Variants in HUWE1 observed in about 807,000 individuals in gnomAD.
The protein encoded by HUWE1 is E3 ubiquitin-protein ligase HUWE1.
A neutral mutation model predicts 299.4 loss-of-function variants in HUWE1; 18 were observed. The observed-to-expected ratio is 0.06, with a 90% CI of 0.04 to 0.09. HUWE1 has a LOEUF of 0.09. HUWE1 is among the 10% of genes least tolerant of loss of function. The pLI, the probability that HUWE1 is intolerant of heterozygous loss-of-function variation, is 1.00. For synonymous variants in HUWE1, 1,317 were observed against 1,286.1 expected (o/e 1.02, Z -0.51); for missense variants, 1,832 against 3,462.3 (o/e 0.53, Z 11.82).
chrX:53,656,237 G>A (rs782515063), intron 3 of HUWE1, among the ~76,000 whole-genome samples: 3 of 110,359 alleles, frequency 2.7e-5, no homozygotes, highest in Admixed American at 9.6e-5. Context: ...GTAGCCGGGC[G>A]TGGAAGGACA....
intron 28 of HUWE1, among the ~76,000 whole-genome samples, chrX:53,600,658 T>C (rs181799865): frequency 2.7e-5 from 3 of 112,798 alleles, no homozygotes; most frequent in East Asian, 2.8e-4. Context: ...TAGAATGTTA[T>C]AGCTTGTTAA....
In HUWE1 at chrX:53,627,569, T is replaced by A. The variant is rs1347677360; in HGVS notation, c.1384-54A>T. The A allele has an allele frequency of 3.3e-4, 210 of 645,523 alleles. 2 individuals are homozygous for A. Among genetic ancestry groups the A allele is most frequent in the East Asian group, 1.1e-3 (27 of 25,299 alleles). The allele number at this position is 645,523 out of a possible 1,213,427, so 53.2% of individuals were successfully genotyped here. A position where few individuals can be genotyped will look rare whatever the true frequency, so the allele number is the denominator to read the frequency against. On this transcript the variant is annotated intron_variant, in intron 16 of 83. Coordinates refer to ENST00000262854, the MANE Select transcript of HUWE1 (RefSeq NM_031407.7). ...ATCAAGTATATATATATATATTTTT[T>A]TTTTCAGGGATTAAAAACTATTATA...
Position 53,549,323 on chromosome X carries a change from C to A in HUWE1, c.9671G>T (p.Arg3224Leu). The A allele has an allele frequency of 8.3e-7, 1 of 1,211,764 alleles. No individual in the cohort carries two copies. Among genetic ancestry groups the A allele is most frequent in the Non-Finnish European group, 1.1e-6 (1 of 895,330 alleles). The change falls in exon 67 of 84, where the codon CGC becomes CTC. Residue 3224 changes from arginine (R) to leucine (L), a missense_variant. Coordinates refer to ENST00000262854, the MANE Select transcript of HUWE1 (RefSeq NM_031407.7). Reference sequence around the variant, plus strand: ...GCGCTGCAAGATGGAGAGCAGACTGCGGATGACCCAGTGGCGGGTCTGGGC... The same window carrying A: ...GCGCTGCAAGATGGAGAGCAGACTGAGGATGACCCAGTGGCGGGTCTGGGC... The part of the protein sequence containing the change: ...YHAQTRHWVI[R>L]SLLSILQRSS...
In HUWE1 at chrX:53,568,743, T is replaced by C. The variant is rs1183501889; in HGVS notation, c.6656A>G (p.Lys2219Arg). The change falls in exon 49 of 84, where the codon AAG (lysine) becomes AGG (arginine). Residue 2219 changes from lysine (K) to arginine (R), a missense_variant. This residue lies in a region of HUWE1 where 157 missense variants were observed against 252.3 expected (regional missense o/e 0.62). Transcript: ENST00000262854. The stretch of plus-strand genomic sequence containing the variant: ...TCTGGCCAGGTCATTAACCAGTCCC[T>C]TCTTCAGGAAAAGCCGAATGATGTT... ...MNNIIRLFLK[K>R]GLVNDLARVP... The C allele has an allele frequency of 8.3e-7, 1 of 1,211,376 alleles. No homozygotes were observed. The highest frequency in any genetic ancestry group is 1.1e-6 in the Non-Finnish European group (1 of 895,280).
chrX:53,561,357 C>G (rs1186467057), intron 55 of HUWE1, among the ~76,000 whole-genome samples: 3 of 112,590 alleles, frequency 2.7e-5, no homozygotes, highest in African/African-American at 6.5e-5. Context: ...ATCTGCTCCC[C>G]AAAGCCAAGC....
At chrX:53,578,783 C>T (rs1602796275) in intron 43 of HUWE1, among the ~76,000 whole-genome samples, 1 of 74,216 alleles carries the variant, frequency 1.3e-5, no homozygotes, top group Admixed American at 1.3e-4. Flanking sequence ...CCCGGCCAGC[C>T]GCCCCGTCTG....
At chrX:53,593,312 G>A in intron 32 of HUWE1, 52 bp downstream of exon 32, 2 of 888,945 alleles carry the variant, frequency 2.2e-6, no homozygotes, top group Non-Finnish European at 3.3e-6. Flanking sequence ...AATAGAGTGG[G>A]AACGACTTAG....
chrX:53,673,021 G>C (rs1283821137), intron 3 of HUWE1, among the ~76,000 whole-genome samples: 1 of 111,941 alleles, frequency 8.9e-6, no homozygotes, highest in East Asian at 2.8e-4. Flanking sequence ...TTTCAAACAA[G>C]AGTTAACAAG....
At chrX:53,545,280 A>G in intron 70 of HUWE1, 119 bp from the exon 71 acceptor site, 1 of 722,471 alleles carries the variant, frequency 1.4e-6, no homozygotes, top group Non-Finnish European at 2.1e-6. Flanking sequence ...CAGAGAACCT[A>G]GAGTGAGCTG....
At position 53,628,762 on chromosome X, in the gene HUWE1, C is replaced by A; in HGVS notation, c.1104G>T (p.Gln368His). 8.3e-7 allele frequency: 1 copy of A among 1,211,786 alleles called. No individual in the cohort carries two copies. The highest frequency in any genetic ancestry group is 1.1e-6 in the Non-Finnish European group (1 of 895,339). ...FLPVLVRNCI[Q>H]AMIDPSMDPY... is the part of the protein sequence containing the mutation. ...ACCATCAAAACTTACCAATCATGGC[C>A]TGGATACAGTTCCTTACAAGCACTG... is the stretch of plus-strand genomic sequence containing the variant. Residue 368 changes from glutamine (Q) to histidine (H), a missense_variant, in exon 14 of 84, where the codon CAG becomes CAT. Gln to His is a conservative substitution (Grantham distance 24, BLOSUM62 0). Around this residue, in one of 15 missense-constraint regions of HUWE1, gnomAD observed 658 missense variants for 1,282.6 expected, o/e 0.51. Transcript: ENST00000262854.
At position 53,532,384 on chromosome X, in the gene HUWE1, CCA is replaced by C. The variant is rs781859853; in HGVS notation, c.*923_*924del. On this transcript the variant is annotated 3_prime_UTR_variant, in exon 84 of 84. Coordinates refer to ENST00000262854, the MANE Select transcript of HUWE1 (RefSeq NM_031407.7). Reference sequence around the variant, plus strand: ...TGAAATAAAAATCTAAAACTGAGCCCCAGACTCAAGACTACTAGAAAGGCTCA... The same window carrying C: ...TGAAATAAAAATCTAAAACTGAGCCCGACTCAAGACTACTAGAAAGGCTCA... 9.0e-5 allele frequency: 10 copies of C among 111,271 alleles called. No individual in the cohort carries two copies. Among genetic ancestry groups the C allele is most frequent in the Non-Finnish European group, 1.9e-4 (10 of 53,020 alleles). The allele number at this position is 111,271 out of a possible 1,213,427, so 9.2% of individuals were successfully genotyped here.
At chrX:53,667,672 AAG>A (rs1484705858) in intron 3 of HUWE1, among the ~76,000 whole-genome samples, 3 of 112,160 alleles carry the variant, frequency 2.7e-5, no homozygotes, top group Non-Finnish European at 5.6e-5. Context: ...CGCCTGTACT[AAG>A]AAATACAAGA....
At chrX:53,624,538 G>T in intron 19 of HUWE1, 57 bp downstream of exon 19, 1 of 747,847 alleles carries the variant, frequency 1.3e-6, no homozygotes, top group African/African-American at 2.1e-5. Flanking sequence ...AATACAGAGA[G>T]AGAGAGCTCT....
intron 73 of HUWE1, 91 bp downstream of exon 73, chrX:53,543,750 A>G: frequency 4.3e-6 from 5 of 1,174,537 alleles, no homozygotes; most frequent in Non-Finnish European, 5.8e-6. Context: ...GCAAAAGCAT[A>G]CAAGGTAAAG....
chrX:53,547,247 G>A (rs1556923760), intron 68 of HUWE1, among the ~76,000 whole-genome samples: 1 of 112,168 alleles, frequency 8.9e-6, no homozygotes, highest in African/African-American at 3.2e-5. Flanking sequence ...TTCCTGGGAT[G>A]ATCTGGTTAC....
intron 8 of HUWE1, among the ~76,000 whole-genome samples, chrX:53,633,449 C>T (rs1010132750): frequency 1.8e-5 from 2 of 112,338 alleles, no homozygotes; most frequent in East Asian, 5.5e-4. Flanking sequence ...TACTGTATCA[C>T]CCAATATCTC....
chrX:53,575,284 G>A (rs1389550588), intron 45 of HUWE1, 63 bp from the exon 46 acceptor site: 3 of 873,245 alleles, frequency 3.4e-6, no homozygotes, highest in Non-Finnish European at 5.0e-6. Context: ...GCAAATGGCA[G>A]AACTCCTTCC....
intron 7 of HUWE1, among the ~76,000 whole-genome samples, chrX:53,638,794 C>T (rs1374144845): frequency 9.0e-6 from 1 of 111,642 alleles, no homozygotes; most frequent in Non-Finnish European, 1.9e-5. Context: ...TTTACTAGAC[C>T]TAGAGTATAC....
rs1217508443 is a variant in HUWE1, at chrX:53,591,096, T to C, written c.3999A>G (p.Glu1333=). ...TGTTCAACAGTGCCTCCATTGCATGTTCCCTTGTGAAGCCCATGTCCATGA... is the reference window on the plus strand; with the variant it reads ...TGTTCAACAGTGCCTCCATTGCATGCTCCCTTGTGAAGCCCATGTCCATGA... The part of the protein sequence containing the change: ...QQLMDMGFTR[E]HAMEALLNTS... The change falls in exon 34 of 84, where the codon GAA becomes GAG. Residue 1333 remains glutamate (E), a synonymous_variant. Transcript: ENST00000262854. 2.5e-6 allele frequency: 3 copies of C among 1,208,508 alleles called. No homozygotes were observed. The highest frequency in any genetic ancestry group is 3.5e-5 in the African/African-American group (2 of 57,061).
Sources: allele counts gnomAD v4.1 joint callset (sites outside exome capture counted in the v4.1 genomes callset), GRCh38; gene constraint gnomAD v4.1.1; regional missense constraint gnomAD v4.1.1; transcripts MANE v1.5; gene names NCBI Gene and HGNC (gene_info 2026-07-23, HGNC 2026-07-21).